The following CLSPN variants were observed in gnomAD, a reference collection of about 807,000 sequenced individuals.
CLSPN encodes claspin homolog.
A neutral mutation model predicts 156.3 loss-of-function variants in CLSPN; 85 were observed. The ratio of observed to expected loss-of-function variants is 0.54; its 90% CI spans 0.46 to 0.65. The LOEUF (loss-of-function observed/expected upper bound fraction) is 0.65. Ranked by LOEUF, CLSPN falls within the 30% of genes least tolerant of loss-of-function variation. CLSPN has a pLI of 0.00. For synonymous variants in CLSPN, 534 were observed against 542.4 expected (o/e 0.98, Z 0.22); for missense variants, 1,407 against 1,554.9 (o/e 0.90, Z 1.60).
At chr1:35,761,956 A>C in intron 6 of CLSPN, 42 bp downstream of exon 6, 1 of 1,355,856 alleles carries the variant, frequency 7.4e-7, no homozygotes, top group South Asian at 1.2e-5. Flanking sequence ...GCTTACAAAG[A>C]AATGTTGTGA....
chr1:35,768,283 G>A (rs751585491), intron 1 of CLSPN, among the ~76,000 whole-genome samples: 13 of 152,082 alleles, frequency 8.5e-5, no homozygotes, highest in Non-Finnish European at 1.6e-4. Flanking sequence ...CAGGAGAATC[G>A]CTTGAATCCA....
rs774720997 is a variant in CLSPN at position 35,764,337 on chromosome 1, T to G, written c.511A>C (p.Arg171=). Residue 171 remains arginine, a synonymous_variant, in exon 3 of 25, where the codon AGA becomes CGA. Transcript: ENST00000318121. ...TAGKAKVKSK[R]RLEKEERKME... is the part of the protein sequence containing the mutation. ...TTTCTCTCCTCTTTCTCAAGTCTTC[T>G]TTTTGATTTTACTTTTGCTTTTCCT... 6 of 1,603,486 alleles carry G rather than the reference T, an allele frequency of 3.7e-6. No homozygotes were observed. Among genetic ancestry groups the G allele is most frequent in the Non-Finnish European group, 5.1e-6 (6 of 1,177,536 alleles).
chr1:35,735,495 G>A lies in CLSPN; in HGVS notation c.*1001C>T, dbSNP rs1357817227. 2 of 820,574 alleles carry A rather than the reference G, an allele frequency of 2.4e-6. No individual in the cohort carries two copies. Among genetic ancestry groups the A allele is most frequent in the Non-Finnish European group, 2.9e-6 (2 of 679,854 alleles). 50.8% of individuals were successfully genotyped at this position (820,574 alleles called of 1,614,324 possible). ...GGCTGAGGCAGCTGGATCACTTGAGGTCAGGAGATCGAGACCAGCCTGGCC... is the reference window on the plus strand; with the variant it reads ...GGCTGAGGCAGCTGGATCACTTGAGATCAGGAGATCGAGACCAGCCTGGCC... On this transcript the variant is annotated 3_prime_UTR_variant, in exon 25 of 25. Coordinates refer to ENST00000318121, the MANE Select transcript of CLSPN (RefSeq NM_022111.4).
At position 35,734,255 on chromosome 1, in the gene CLSPN, C is replaced by T. The variant is rs1283766994; in HGVS notation, c.*2241G>A. ...ATTCAAGCTGGACAGCAAATCTTCC[C>T]TTCAAGGCATTAAGATTTATTGAAA... On this transcript the variant is annotated 3_prime_UTR_variant, in exon 25 of 25. Transcript: ENST00000318121. 2.0e-6 allele frequency: 2 copies of T among 985,298 alleles called. No individual in the cohort carries two copies. The allele number at this position is 985,298 out of a possible 1,614,324, so 61.0% of individuals were successfully genotyped here.
rs1268748873 is a variant in CLSPN at position 35,735,222 on chromosome 1, T to G, written c.*1274A>C. ...GTGGACAAACACTGGGTGTAACACT[T>G]TATCTTCATCCCCAAGCCCCAGAAA... is the stretch of plus-strand genomic sequence containing the variant. On this transcript the variant is annotated 3_prime_UTR_variant, in exon 25 of 25. Coordinates refer to ENST00000318121, the MANE Select transcript of CLSPN (RefSeq NM_022111.4). 1 of 985,292 alleles carries G rather than the reference T, an allele frequency of 1.0e-6. No homozygotes were observed. The highest frequency in any genetic ancestry group is 1.2e-6 in the Non-Finnish European group (1 of 829,936). The allele number at this position is 985,292 out of a possible 1,614,324, so 61.0% of individuals were successfully genotyped here.
intron 17 of CLSPN, 67 bp downstream of exon 17, chr1:35,743,387 GA>G (rs1185983860): frequency 4.8e-6 from 7 of 1,456,934 alleles, no homozygotes; most frequent in Non-Finnish European, 6.7e-6. Flanking sequence ...GAACTGAGGG[GA>G]AAAAAACACT....
chr1:35,748,002 G>A lies in CLSPN; in HGVS notation c.2532C>T (p.Asn844=), dbSNP rs200345173. ...AAAGTGTCTTAGGCTCTGGGGAGGC[G>A]TTATACAGATCCTGGGAATCCTCTA... is the stretch of plus-strand genomic sequence containing the variant. ...LPIEDSQDLY[N]ASPEPKTLFL... is the part of the protein sequence containing the mutation. Residue 844 remains asparagine, a synonymous_variant, in exon 14 of 25, where the codon AAC becomes AAT. Transcript: ENST00000318121. 4.1e-5 allele frequency: 66 copies of A among 1,614,132 alleles called. No individual in the cohort carries two copies. Among genetic ancestry groups the A allele is most frequent in the East Asian group, 3.3e-4 (15 of 44,880 alleles).
chr1:35,741,512 C>T (rs796871201), intron 18 of CLSPN, among the ~76,000 whole-genome samples: 18 of 152,164 alleles, frequency 1.2e-4, no homozygotes, highest in African/African-American at 4.1e-4. Flanking sequence ...GACGGGGTCT[C>T]GCCATGTTGG....
downstream of CLSPN, among the ~76,000 whole-genome samples, chr1:35,729,499 CA>C (rs2148608102): frequency 6.6e-6 from 1 of 152,146 alleles, no homozygotes; most frequent in South Asian, 2.1e-4. Context: ...GGAGAGAGGA[CA>C]AAAAGAGGGG....
Position 35,760,505 on chromosome 1 carries a change from T to G in CLSPN, c.1416A>C (p.Glu472Asp). ...QNPEETDEKV[E>D]EPEQQNKSSA... ...ATGATTTATTTTGCTGCTCAGGCTCTTCCACTTTCTCATCTGTTTCTTCTG... is the reference window on the plus strand; with the variant it reads ...ATGATTTATTTTGCTGCTCAGGCTCGTCCACTTTCTCATCTGTTTCTTCTG... Residue 472 changes from glutamate to aspartate, a missense_variant, in exon 8 of 25, where the codon GAA becomes GAC. Around this residue, in one of 3 missense-constraint regions of CLSPN, gnomAD observed 1,096 missense variants for 1,193.0 expected, o/e 0.92. Coordinates refer to ENST00000318121, the MANE Select transcript of CLSPN (RefSeq NM_022111.4). The G allele has an allele frequency of 7.4e-6, 12 of 1,614,252 alleles. No homozygotes were observed. Among genetic ancestry groups the G allele is most frequent in the Non-Finnish European group, 9.3e-6 (11 of 1,180,048 alleles).
chr1:35,746,962 C>T lies in CLSPN; in HGVS notation c.2658G>A (p.Gln886=), dbSNP rs1360693847. 5.0e-6 allele frequency: 8 copies of T among 1,613,980 alleles called. No homozygotes were observed. Among genetic ancestry groups the T allele is most frequent in the South Asian group, 4.4e-5 (4 of 91,084 alleles). Reference sequence around the variant, plus strand: ...GCAATCGAGGCTTCAAAGCTTGGTACTGATTCCTGTGGTTTCTAACATTTA... The same window carrying T: ...GCAATCGAGGCTTCAAAGCTTGGTATTGATTCCTGTGGTTTCTAACATTTA... ...GFLNVRNHRN[Q]YQALKPRLPL... The change falls in exon 15 of 25, where the codon CAG becomes CAA. Residue 886 remains glutamine (Q), a synonymous_variant. Coordinates refer to ENST00000318121, the MANE Select transcript of CLSPN (RefSeq NM_022111.4). This position sits in a 1 kb window ranked among gnomAD's most constrained non-coding sequence, Gnocchi z 4.2.
At chr1:35,729,239 A>G (rs1641263092), downstream of CLSPN, among the ~76,000 whole-genome samples, 1 of 152,176 alleles carries the variant, frequency 6.6e-6, no homozygotes. Flanking sequence ...TACCCCTTGG[A>G]CTAGGCAATA....
In CLSPN at chr1:35,734,940, G is replaced by C; in HGVS notation, c.*1556C>G. ...CTAAAATTCTGAGAAGCTTGTGGTA[G>C]TTCAGGGAAAATGGAGAATGATGGC... On this transcript the variant is annotated 3_prime_UTR_variant, in exon 25 of 25. Transcript: ENST00000318121. The C allele has an allele frequency of 2.0e-6, 2 of 985,422 alleles. No individual in the cohort carries two copies. Among genetic ancestry groups the C allele is most frequent in the Non-Finnish European group, 2.4e-6 (2 of 829,900 alleles). The allele number at this position is 985,422 out of a possible 1,614,324, so 61.0% of individuals were successfully genotyped here. A position where few individuals can be genotyped will look rare whatever the true frequency, so the allele number is the denominator to read the frequency against.
chr1:35,764,037 T>C (rs1642579599), intron 3 of CLSPN, among the ~76,000 whole-genome samples: 1 of 152,086 alleles, frequency 6.6e-6, no homozygotes, highest in Admixed American at 6.6e-5. Context: ...TGGGCTTAAG[T>C]GACCCTCTGG....
downstream of CLSPN, among the ~76,000 whole-genome samples, chr1:35,728,345 G>A (rs1165195227): frequency 6.6e-6 from 1 of 152,058 alleles, no homozygotes; most frequent in Non-Finnish European, 1.5e-5. Flanking sequence ...ACCTCCCAAA[G>A]TGCTGGGATT....
At chr1:35,759,907 C>G (rs1279675134) in intron 8 of CLSPN, among the ~76,000 whole-genome samples, 2 of 147,812 alleles carry the variant, frequency 1.4e-5, no homozygotes, top group Admixed American at 1.4e-4. Context: ...AGTCTCGGCT[C>G]ACTGCAACCT....
chr1:35,769,557 C>A (rs1007993542), intron 1 of CLSPN, among the ~76,000 whole-genome samples: 1 of 152,210 alleles, frequency 6.6e-6, no homozygotes, highest in East Asian at 1.9e-4. Flanking sequence ...GGAGGGCTGG[C>A]GGCAGGAACC....
At chr1:35,752,162 G>A (rs1029530774) in intron 9 of CLSPN, among the ~76,000 whole-genome samples, 2 of 151,964 alleles carry the variant, frequency 1.3e-5, no homozygotes, top group Non-Finnish European at 2.9e-5. Context: ...CCATATATCT[G>A]GCACTATAAT....
intron 9 of CLSPN, among the ~76,000 whole-genome samples, chr1:35,752,373 T>A (rs1182103306): frequency 6.6e-6 from 1 of 151,746 alleles, no homozygotes; most frequent in Non-Finnish European, 1.5e-5. Context: ...AGGTCAGGAG[T>A]TCGAGACCAG....
Sources: gnomAD v4.1 joint callset for allele counts (sites outside exome capture counted in the v4.1 genomes callset) on GRCh38, gnomAD v4.1.1 for gene constraint, gnomAD v4.1.1 regional missense constraint, Gnocchi (gnomAD v3.1) non-coding constraint, MANE v1.5 for transcripts, NCBI Gene and HGNC (gene_info 2026-07-23, HGNC 2026-07-21) for gene names.